ADORA2A: variants seen among roughly 807,000 people sequenced by gnomAD.
ADORA2A encodes adenosine receptor A2a.
ADORA2A carries 11 observed loss-of-function variants against 18.4 expected under a neutral mutation model. That is an observed-to-expected ratio of 0.60 (90% CI 0.38 to 0.99). ADORA2A has a LOEUF of 0.99. ADORA2A is among the 50% of genes least tolerant of loss of function. The probability of loss-of-function intolerance (pLI) is 0.01; values close to 1 mark genes in which losing one functional copy is unlikely to be tolerated. For synonymous variants in ADORA2A, 218 were observed against 237.3 expected (o/e 0.92, Z 0.75); for missense variants, 449 against 556.1 (o/e 0.81, Z 1.94).
intron 1 of ADORA2A, chr22:24,429,837 AGGTGCCCCCTG>A (rs2042985329): frequency 6.6e-6 from 1 of 152,332 alleles, no homozygotes; most frequent in Non-Finnish European, 1.5e-5. Context: ...GCCTCTAGGC[AGGTGCCCCCTG>A]GGACGCGTAA....
At chr22:24,429,879 A>C (rs1267177376) in intron 1 of ADORA2A, 1 of 152,298 alleles carries the variant, frequency 6.6e-6, no homozygotes, top group East Asian at 1.9e-4. Flanking sequence ...CTCAGCAGTG[A>C]CTGGCATCGT....
intron 2 of ADORA2A, chr22:24,439,514 G>C (rs933828270): frequency 1.3e-5 from 2 of 152,194 alleles, no homozygotes; most frequent in Non-Finnish European, 2.9e-5. Context: ...TGAAGGATGG[G>C]TAGGGTTTCT....
intron 2 of ADORA2A, among the ~76,000 whole-genome samples, chr22:24,434,183 G>A (rs2043118654): frequency 6.6e-6 from 1 of 152,192 alleles, no homozygotes; most frequent in South Asian, 2.1e-4. Flanking sequence ...GGACCTCAGA[G>A]TTAGGAGCCG....
In ADORA2A at chr22:24,441,117, C is replaced by T. The variant is rs1449796630; in HGVS notation, c.867C>T (p.Ala289=). Residue 289 remains alanine (A), a synonymous_variant, in exon 3 of 3, where the codon GCC becomes GCT. Coordinates refer to ENST00000337539, the MANE Select transcript of ADORA2A (RefSeq NM_000675.6). ...CGGTTGTGAATCCCTTCATCTACGC[C>T]TACCGTATCCGCGAGTTCCGCCAGA... The part of the protein sequence containing the change: ...TNSVVNPFIY[A]YRIREFRQTF... 1.9e-6 allele frequency: 3 copies of T among 1,614,196 alleles called. No homozygotes were observed. Among genetic ancestry groups the T allele is most frequent in the African/African-American group, 1.3e-5 (1 of 75,066 alleles).
intron 2 of ADORA2A, among the ~76,000 whole-genome samples, chr22:24,436,553 G>A (rs1257001622): frequency 3.3e-5 from 5 of 152,206 alleles, no homozygotes; most frequent in African/African-American, 9.7e-5. Flanking sequence ...GTTCCCAGAG[G>A]ATAGGGAATT....
chr22:24,428,681 T>C (rs2042956719), intron 1 of ADORA2A, among the ~76,000 whole-genome samples: 1 of 152,244 alleles, frequency 6.6e-6, no homozygotes, highest in African/African-American at 2.4e-5. Flanking sequence ...CTTACCTTTC[T>C]TAGCCTTCAT....
chr22:24,437,121 TCATGGGG>T (rs1327480412), intron 2 of ADORA2A, among the ~76,000 whole-genome samples: 1 of 152,160 alleles, frequency 6.6e-6, no homozygotes, highest in African/African-American at 2.4e-5. Context: ...CCAGCTGGAA[TCATGGGG>T]CATATTCTTG....
At position 24,440,947 on chromosome 22, in the gene ADORA2A, A is replaced by G; in HGVS notation, c.697A>G (p.Lys233Glu). ...ACTGCAGAAGGAGGTCCATGCTGCC[A>G]AGTCACTGGCCATCATTGTGGGGCT... is the stretch of plus-strand genomic sequence containing the variant. ...STLQKEVHAA[K>E]SLAIIVGLFA... Residue 233 changes from lysine to glutamate, a missense_variant, in exon 3 of 3, where the codon AAG becomes GAG. Transcript: ENST00000337539. The G allele has an allele frequency of 6.2e-7, 1 of 1,614,134 alleles. No homozygotes were observed. The highest frequency in any genetic ancestry group is 8.5e-7 in the Non-Finnish European group (1 of 1,180,032).
intron 2 of ADORA2A, among the ~76,000 whole-genome samples, chr22:24,436,356 G>A (rs1009938406): frequency 3.9e-5 from 6 of 152,178 alleles, no homozygotes; most frequent in East Asian, 1.9e-4. Flanking sequence ...AGGTCCATTC[G>A]GCTAGCCCTG....
chr22:24,439,858 T>G (rs2043289681), intron 2 of ADORA2A, among the ~76,000 whole-genome samples: 1 of 152,154 alleles, frequency 6.6e-6, no homozygotes, highest in Non-Finnish European at 1.5e-5. Context: ...CATGTAAATG[T>G]TAACAAGTAA....
intron 2 of ADORA2A, among the ~76,000 whole-genome samples, chr22:24,439,747 G>A (rs1166428662): frequency 6.6e-6 from 1 of 152,138 alleles, no homozygotes; most frequent in Admixed American, 6.5e-5. Context: ...GAGTCGGTAG[G>A]CTTGGATTTC....
At chr22:24,426,913 C>T (rs986838396), upstream of ADORA2A, among the ~76,000 whole-genome samples, 7 of 152,218 alleles carry the variant, frequency 4.6e-5, no homozygotes, top group African/African-American at 1.7e-4. Context: ...GATTCTCTCA[C>T]CACCCCCCGC....
chr22:24,431,162 T>A (rs1461436373), intron 1 of ADORA2A: 1 of 456,788 alleles, frequency 2.2e-6, no homozygotes, highest in Admixed American at 2.3e-5. Context: ...ACTTTGTGAA[T>A]GGCTGCCTGG....
intron 1 of ADORA2A, among the ~76,000 whole-genome samples, chr22:24,428,862 G>A (rs968431959): frequency 6.6e-6 from 1 of 152,254 alleles, no homozygotes; most frequent in Non-Finnish European, 1.5e-5. Flanking sequence ...GATGGGGCCA[G>A]GCACAGCAAC....
chr22:24,441,022 T>A lies in ADORA2A; in HGVS notation c.772T>A (p.Phe258Ile). The A allele has an allele frequency of 1.2e-6, 2 of 1,614,180 alleles. No homozygotes were observed. The highest frequency in any genetic ancestry group is 1.7e-6 in the Non-Finnish European group (2 of 1,180,032). Residue 258 changes from phenylalanine (F) to isoleucine (I), a missense_variant, in exon 3 of 3, where the codon TTC becomes ATC. By Grantham distance (21) the Phe-to-Ile change is conservative (BLOSUM62 0). Coordinates refer to ENST00000337539, the MANE Select transcript of ADORA2A (RefSeq NM_000675.6). ...PLHIINCFTF[F>I]CPDCSHAPLW... ...ACACATCATCAACTGCTTCACTTTC[T>A]TCTGCCCCGACTGCAGCCACGCCCC...
At position 24,440,913 on chromosome 22, in the gene ADORA2A, A is replaced by T. The variant is rs1441164449; in HGVS notation, c.663A>T (p.Ala221=). 4.3e-6 allele frequency: 7 copies of T among 1,614,028 alleles called. No individual in the cohort carries two copies. Among genetic ancestry groups the T allele is most frequent in the Non-Finnish European group, 5.9e-6 (7 of 1,180,030 alleles). ...MESQPLPGER[A]RSTLQKEVHA... is the part of the protein sequence containing the mutation. ...GCCAGCCTCTGCCGGGGGAGCGGGC[A>T]CGGTCCACACTGCAGAAGGAGGTCC... The change falls in exon 3 of 3, where the codon GCA becomes GCT. Residue 221 remains alanine (A), a synonymous_variant. Transcript: ENST00000337539.
intron 2 of ADORA2A, chr22:24,439,624 A>G (rs558308734): frequency 3.2e-4 from 48 of 151,674 alleles, no homozygotes; most frequent in African/African-American, 1.1e-3. Flanking sequence ...TAAATTAGGG[A>G]GACTTTTTTT....
At position 24,440,595 on chromosome 22, in the gene ADORA2A, G is replaced by A. The variant is rs779140681; in HGVS notation, c.345G>A (p.Leu115=). ...AIRIPLRYNG[L]VTGTRAKGII... ...CTCTTCTCCCCAGGTACAATGGCTT[G>A]GTGACCGGCACGAGGGCTAAGGGCA... Residue 115 remains leucine (L), a synonymous_variant, in exon 3 of 3, where the codon TTG becomes TTA. Transcript: ENST00000337539. 5 of 1,561,402 alleles carry A rather than the reference G, an allele frequency of 3.2e-6. No homozygotes were observed. Among genetic ancestry groups the A allele is most frequent in the Middle Eastern group, 1.7e-4 (1 of 5,780 alleles).
upstream of ADORA2A, among the ~76,000 whole-genome samples, chr22:24,426,690 C>A (rs2042922197): frequency 6.6e-6 from 1 of 152,158 alleles, no homozygotes; most frequent in Non-Finnish European, 1.5e-5. Flanking sequence ...GCAGCCTGGA[C>A]TCCATGGATC....
Sources: gnomAD v4.1 joint callset for allele counts (sites outside exome capture counted in the v4.1 genomes callset) on GRCh38, gnomAD v4.1.1 for gene constraint, MANE v1.5 for transcripts, NCBI Gene and HGNC (gene_info 2026-07-23, HGNC 2026-07-21) for gene names.